The following SMOC2 variants were observed in gnomAD, a reference collection of about 807,000 sequenced individuals.
The protein encoded by SMOC2 is SPARC-related modular calcium-binding protein 2.
In SMOC2, 39 loss-of-function variants were observed where a neutral mutation model predicts 61.4. The observed-to-expected ratio is 0.64, with a 90% CI of 0.49 to 0.83. SMOC2 has a LOEUF of 0.83. Ranked by LOEUF, SMOC2 falls within the 40% of genes least tolerant of loss-of-function variation. The pLI, the probability that SMOC2 is intolerant of heterozygous loss-of-function variation, is 0.00. For missense variants in SMOC2, 556 were observed against 592.9 expected (o/e 0.94, Z 0.65); for synonymous variants, 247 against 239.9 (o/e 1.03, Z -0.27).
chr6:168,487,093 C>G (rs1782355064), intron 1 of SMOC2, among the ~76,000 whole-genome samples: 1 of 152,178 alleles, frequency 6.6e-6, no homozygotes, highest in African/African-American at 2.4e-5. Flanking sequence ...TCTCCTCTGC[C>G]CTGTGGCCAT....
At chr6:168,602,054 A>G (rs968321067) in intron 8 of SMOC2, among the ~76,000 whole-genome samples, 4 of 152,170 alleles carry the variant, frequency 2.6e-5, no homozygotes, top group Non-Finnish European at 5.9e-5. Flanking sequence ...ATTCAGCACA[A>G]ATACTGATTA....
rs3832407 is a variant in SMOC2, at chr6:168,608,142, TC to T, written c.825-9del. 0.24 allele frequency: 386,636 copies of T among 1,608,472 alleles called. 48,434 individuals carry two copies. Among genetic ancestry groups the T allele is most frequent in the Non-Finnish European group, 0.25 (299,906 of 1,177,400 alleles). On this transcript the variant is annotated splice_polypyrimidine_tract_variant and intron_variant, in intron 8 of 12. Transcript: ENST00000356284. ...TGTTTTCTCTCTCCTTCCCCCGCCT[TC>T]CCCCCGCCCATAGGTACGAGCAGCC...
intron 7 of SMOC2, among the ~76,000 whole-genome samples, chr6:168,596,662 C>T (rs1785342934): frequency 6.6e-6 from 1 of 152,360 alleles, no homozygotes; most frequent in South Asian, 2.1e-4. Context: ...CCTCCAGAAA[C>T]ATTTCGCACA....
At position 168,509,328 on chromosome 6, in the gene SMOC2, C is replaced by T. The variant is rs112442123; in HGVS notation, c.85-587C>T. Reference sequence around the variant, plus strand: ...ACAAGCTTCCTCTGGGCCATGAGGTCACTCATTCATTCAACAAACATTTAT... The same window carrying T: ...ACAAGCTTCCTCTGGGCCATGAGGTTACTCATTCATTCAACAAACATTTAT... On this transcript the variant is annotated intron_variant, in intron 1 of 12. Coordinates refer to ENST00000356284, the MANE Select transcript of SMOC2 (RefSeq NM_001166412.2). Among the ~76,000 whole-genome samples, 1,345 of 152,322 alleles carry T rather than the reference C, an allele frequency of 8.8e-3. 21 individuals are homozygous for T. The highest frequency in any genetic ancestry group is 0.031 in the African/African-American group (1,297 of 41,574).
chr6:168,666,386 A>G, intron 12 of SMOC2, 35 bp from the exon 13 acceptor site: 2 of 1,613,632 alleles, frequency 1.2e-6, no homozygotes, highest in African/African-American at 1.3e-5. Context: ...CACACCTCTG[A>G]ATATAATGTC....
intron 4 of SMOC2, among the ~76,000 whole-genome samples, chr6:168,538,466 G>C (rs1194456466): frequency 3.4e-5 from 3 of 87,062 alleles, no homozygotes; most frequent in Admixed American, 1.2e-4. Flanking sequence ...CTGCTGGAAT[G>C]TGGGGGAGTG....
intron 9 of SMOC2, among the ~76,000 whole-genome samples, chr6:168,633,340 C>A (rs1375927485): frequency 6.6e-6 from 1 of 152,114 alleles, no homozygotes; most frequent in African/African-American, 2.4e-5. Context: ...GTGGACAAAT[C>A]CCCAGAGCTC....
At position 168,539,677 on chromosome 6, in the gene SMOC2, T is replaced by G. The variant is rs183949088; in HGVS notation, c.464-3948T>G. ...ACAGGTGGGGCTTGCAGGGGGGCAC[T>G]TCCAGCATCTGGAGCAGCTTGGCAT... On this transcript the variant is annotated intron_variant, in intron 4 of 12. Transcript: ENST00000356284. Among the ~76,000 whole-genome samples the G allele has an allele frequency of 5.1e-3, 781 of 152,332 alleles. 4 individuals are homozygous for G. Among genetic ancestry groups the G allele is most frequent in the South Asian group, 0.028 (134 of 4,828 alleles).
At chr6:168,548,157 G>C (rs1020494189) in intron 6 of SMOC2, among the ~76,000 whole-genome samples, 1 of 152,072 alleles carries the variant, frequency 6.6e-6, no homozygotes, top group Admixed American at 6.6e-5. Flanking sequence ...CTGATGCTGC[G>C]TGGTCCTAAG....
chr6:168,541,218 G>A (rs1183402834), intron 4 of SMOC2, among the ~76,000 whole-genome samples: 1 of 152,150 alleles, frequency 6.6e-6, no homozygotes, highest in Non-Finnish European at 1.5e-5. Context: ...TCTCACAAAT[G>A]GGAGCAATTC....
intron 9 of SMOC2, among the ~76,000 whole-genome samples, chr6:168,622,997 G>A (rs1786283626): frequency 6.6e-6 from 1 of 152,220 alleles, no homozygotes; most frequent in South Asian, 2.1e-4. Flanking sequence ...ATGCAGTGGT[G>A]TCTTTTCTGG....
At chr6:168,586,447 A>T in intron 7 of SMOC2, among the ~76,000 whole-genome samples, 1 of 152,138 alleles carries the variant, frequency 6.6e-6, no homozygotes, top group East Asian at 1.9e-4. Context: ...GCTCTTTCGG[A>T]AGAAAACTTT....
At chr6:168,633,226 G>A (rs1054064104) in intron 9 of SMOC2, among the ~76,000 whole-genome samples, 2 of 152,230 alleles carry the variant, frequency 1.3e-5, no homozygotes, top group South Asian at 2.1e-4. Context: ...CTTGAGGAAT[G>A]TATACATGTA....
At chr6:168,664,672 T>C in intron 12 of SMOC2, 1 of 468,650 alleles carries the variant, frequency 2.1e-6, no homozygotes, top group East Asian at 7.0e-5. Context: ...GGCTTTCGGC[T>C]CCTGCTGTGT....
chr6:168,619,977 C>T (rs1169702946), intron 9 of SMOC2, among the ~76,000 whole-genome samples: 2 of 152,298 alleles, frequency 1.3e-5, no homozygotes, highest in East Asian at 3.9e-4. Flanking sequence ...CTCAAGGTTC[C>T]GGACACACGG....
intron 1 of SMOC2, among the ~76,000 whole-genome samples, chr6:168,507,498 C>G (rs1176295445): frequency 1.3e-5 from 2 of 152,344 alleles, no homozygotes; most frequent in East Asian, 3.9e-4. Context: ...GACTCGGAAG[C>G]ATTTTATAAG....
At position 168,648,745 on chromosome 6, in the gene SMOC2, ATCTGTTT is replaced by A. The variant is rs556684140; in HGVS notation, c.908-1931_908-1925del. On this transcript the variant is annotated intron_variant, in intron 9 of 12. Coordinates refer to ENST00000356284, the MANE Select transcript of SMOC2 (RefSeq NM_001166412.2). The stretch of plus-strand genomic sequence containing the variant: ...AGAACCCCCCTGGTGAAGGCTGCAC[ATCTGTTT>A]TCTGACATGTGTGTTTAATGAAGTG... Among the ~76,000 whole-genome samples, 10 of 152,332 alleles carry A rather than the reference ATCTGTTT, an allele frequency of 6.6e-5. No homozygotes were observed. The South Asian group carries it at 2.1e-3, about 32-fold the overall frequency.
intron 5 of SMOC2, among the ~76,000 whole-genome samples, chr6:168,546,118 T>C (rs1783990897): frequency 6.6e-6 from 1 of 152,126 alleles, no homozygotes; most frequent in Non-Finnish European, 1.5e-5. Flanking sequence ...TAAGAAACTT[T>C]ATTCTTTAGA....
At chr6:168,520,656 A>C (rs1783309173) in intron 2 of SMOC2, among the ~76,000 whole-genome samples, 3 of 152,248 alleles carry the variant, frequency 2.0e-5, no homozygotes, top group African/African-American at 7.2e-5. Context: ...CCTGTGTCCC[A>C]AAGTTCTCTG....
Sources: gnomAD v4.1 joint callset for allele counts (sites outside exome capture counted in the v4.1 genomes callset) on GRCh38, gnomAD v4.1.1 for gene constraint, MANE v1.5 for transcripts, NCBI Gene and HGNC (gene_info 2026-07-23, HGNC 2026-07-21) for gene names.